DAB1: variants seen among roughly 807,000 people sequenced by gnomAD.
The protein encoded by DAB1 is DAB adaptor protein 1.
In DAB1, 15 loss-of-function variants were observed where a neutral mutation model predicts 64.6. The ratio of observed to expected loss-of-function variants is 0.23; its 90% CI spans 0.16 to 0.36. The LOEUF (loss-of-function observed/expected upper bound fraction) is 0.36. Ranked by LOEUF, DAB1 falls within the 10% of genes least tolerant of loss-of-function variation. The probability of loss-of-function intolerance (pLI) is 1.00; values close to 1 mark genes in which losing one functional copy is unlikely to be tolerated. For missense variants in DAB1, 596 were observed against 706.7 expected, an observed-to-expected ratio of 0.84 and a Z score of 1.78; for synonymous variants, 235 against 251.9, an observed-to-expected ratio of 0.93 and a Z score of 0.64.
intron 7 of DAB1, among the ~76,000 whole-genome samples, chr1:57,525,013 C>T (rs1167136597): frequency 6.6e-6 from 1 of 152,122 alleles, no homozygotes; most frequent in Non-Finnish European, 1.5e-5. Flanking sequence ...AAATGATTTA[C>T]AACCCAAAGT....
intron 2 of DAB1, among the ~76,000 whole-genome samples, chr1:57,163,028 T>G (rs10889030): frequency 6.6e-6 from 1 of 152,014 alleles, no homozygotes; most frequent in Non-Finnish European, 1.5e-5. Flanking sequence ...TGGATTTCTA[T>G]CATGGTCAGC....
intron 1 of DAB1, among the ~76,000 whole-genome samples, chr1:57,417,251 C>G (rs1684558614): frequency 1.3e-5 from 2 of 151,648 alleles, no homozygotes; most frequent in Non-Finnish European, 2.9e-5. Flanking sequence ...TGTCTTAACC[C>G]ATTTATGCCA....
chr1:57,162,213 A>C (rs1003694763), intron 2 of DAB1, among the ~76,000 whole-genome samples: 1 of 152,218 alleles, frequency 6.6e-6, no homozygotes, highest in Non-Finnish European at 1.5e-5. Context: ...CAAAATAGAC[A>C]AATGTGTGAA....
At chr1:57,140,989 G>A (rs914659048) in intron 3 of DAB1, among the ~76,000 whole-genome samples, 4 of 152,090 alleles carry the variant, frequency 2.6e-5, no homozygotes, top group Non-Finnish European at 4.4e-5. Context: ...TGCACCCAAC[G>A]TTATGACTGT....
At chr1:57,226,713 G>A (rs900334948) in intron 2 of DAB1, among the ~76,000 whole-genome samples, 27 of 145,500 alleles carry the variant, frequency 1.9e-4, no homozygotes, top group Admixed American at 1.6e-3. Flanking sequence ...GTTTAGAAGT[G>A]AGGAAACAGG....
chr1:57,104,898 T>C (rs372354614), intron 4 of DAB1, among the ~76,000 whole-genome samples: 95 of 152,172 alleles, frequency 6.2e-4, no homozygotes, highest in African/African-American at 2.2e-3. Context: ...AGAGAGAAGG[T>C]GGGGCCCCCC....
chr1:57,878,588 C>T (rs1046831651), intron 1 of DAB1: 1 of 152,038 alleles, frequency 6.6e-6, no homozygotes, highest in Non-Finnish European at 1.5e-5. Flanking sequence ...TTATGGGGTA[C>T]AGAGTGATAT....
In DAB1 at chr1:57,696,166, A is replaced by G. The variant is rs1244013289; in HGVS notation, n.552-46501T>C. On this transcript the variant is annotated intron_variant and non_coding_transcript_variant, in intron 6 of 20. Transcript: ENST00000485760. The stretch of plus-strand genomic sequence containing the variant: ...TTTAAAAGCCCTAACCTTCTAGGAA[A>G]TTGTAAATTTCTTGAGGTCAGAGAC... Among the ~76,000 whole-genome samples, 10 of 152,208 alleles carry G rather than the reference A, an allele frequency of 6.6e-5. No individual in the cohort carries two copies. The East Asian group carries it at 1.9e-3, about 29-fold the overall frequency.
At chr1:57,147,671 C>A (rs1279376040) in intron 2 of DAB1, among the ~76,000 whole-genome samples, 1 of 152,162 alleles carries the variant, frequency 6.6e-6, no homozygotes, top group Admixed American at 6.5e-5. Context: ...ACATATGACA[C>A]TATTTCAGTC....
chr1:58,387,525 A>G (rs1450557052), intron 3 of DAB1, among the ~76,000 whole-genome samples: 1 of 152,088 alleles, frequency 6.6e-6, no homozygotes, highest in Non-Finnish European at 1.5e-5. Context: ...GAAGGGCAAA[A>G]CTTTGCTGTG....
At chr1:57,319,942 A>G (rs1168973802) in intron 1 of DAB1, among the ~76,000 whole-genome samples, 1 of 152,234 alleles carries the variant, frequency 6.6e-6, no homozygotes, top group Non-Finnish European at 1.5e-5. Context: ...TCCTGGGACC[A>G]GGAAGCAATT....
intron 5 of DAB1, among the ~76,000 whole-genome samples, chr1:58,098,160 T>G (rs1174749215): frequency 6.6e-6 from 1 of 152,130 alleles, no homozygotes; most frequent in African/African-American, 2.4e-5. Flanking sequence ...GTGAAATAAT[T>G]TCTCTTTGCG....
chr1:58,138,920 A>G (rs913016514), intron 5 of DAB1, among the ~76,000 whole-genome samples: 1 of 152,176 alleles, frequency 6.6e-6, no homozygotes, highest in Non-Finnish European at 1.5e-5. Flanking sequence ...GGATGGACAA[A>G]TGAATGAATG....
rs890908744 is a variant in DAB1 at position 57,355,373 on chromosome 1, G to GTTCC, written c.-136-64211_-136-64208dup. On this transcript the variant is annotated intron_variant, in intron 1 of 14. Coordinates refer to ENST00000371236, the MANE Select transcript of DAB1 (RefSeq NM_001365792.1). ...CTTCCTTCCTTCCCTTCCTTCCTTC[G>GTTCC]TTCCTTCCTTCCTTCCTTCCGTCCT... 1.7e-4 allele frequency among the ~76,000 whole-genome samples: 23 copies of GTTCC among 132,468 alleles called. 1 individual carries two copies. Among genetic ancestry groups the GTTCC allele is most frequent in the South Asian group, 4.7e-4 (2 of 4,228 alleles). 86.9% of individuals were successfully genotyped at this position (132,468 alleles called of 152,430 possible).
At chr1:57,319,890 T>C (rs1373761080) in intron 1 of DAB1, among the ~76,000 whole-genome samples, 3 of 152,156 alleles carry the variant, frequency 2.0e-5, no homozygotes, top group African/African-American at 7.2e-5. Flanking sequence ...CTGTTTTCCA[T>C]GAAGTTCTAT....
intron 9 of DAB1, among the ~76,000 whole-genome samples, chr1:57,046,587 T>G (rs1291715569): frequency 6.6e-6 from 1 of 152,244 alleles, no homozygotes; most frequent in Non-Finnish European, 1.5e-5. Flanking sequence ...ATGGGGAAAC[T>G]GTATATTACA....
chr1:57,364,483 G>GATTACATGATCAGAAAGATCA (rs1679808460), intron 1 of DAB1, among the ~76,000 whole-genome samples: 1 of 152,088 alleles, frequency 6.6e-6, no homozygotes, highest in South Asian at 2.1e-4. Flanking sequence ...CGCAGGCAGA[G>GATTACATGATCAGAAAGATCA]GAAAGATATC....
At chr1:58,175,714 A>G (rs2100774715) in intron 4 of DAB1, among the ~76,000 whole-genome samples, 1 of 152,304 alleles carries the variant, frequency 6.6e-6, no homozygotes, top group Non-Finnish European at 1.5e-5. Context: ...AGTCAATATA[A>G]TCTTCAATTT....
intron 7 of DAB1, among the ~76,000 whole-genome samples, chr1:57,522,202 G>T (rs1644536127): frequency 6.6e-6 from 1 of 152,156 alleles, no homozygotes; most frequent in South Asian, 2.1e-4. Context: ...TGAGGTCTCA[G>T]GCTGAAAAGA....
Sources: gnomAD v4.1 joint callset for allele counts (sites outside exome capture counted in the v4.1 genomes callset) on GRCh38, gnomAD v4.1.1 for gene constraint, MANE v1.5 for transcripts, NCBI Gene and HGNC (gene_info 2026-07-23, HGNC 2026-07-21) for gene names.